TRAPPC9: variants seen among roughly 807,000 people sequenced by gnomAD.
The protein encoded by TRAPPC9 is IKK2 binding protein.
TRAPPC9 carries 83 observed loss-of-function variants against 124.0 expected under a neutral mutation model. The observed-to-expected ratio is 0.67, with a 90% CI of 0.56 to 0.80. The LOEUF (loss-of-function observed/expected upper bound fraction) is 0.80, where lower values mean the gene tolerates loss of function less well. Ranked by LOEUF, TRAPPC9 falls within the 30% of genes least tolerant of loss-of-function variation. The pLI is 0.00. For missense variants in TRAPPC9, 1,302 were observed against 1,508.3 expected, an observed-to-expected ratio of 0.86 and a Z score of 2.27; for synonymous variants, 638 against 617.5, an observed-to-expected ratio of 1.03 and a Z score of -0.49.
intron 19 of TRAPPC9, among the ~76,000 whole-genome samples, chr8:139,954,471 A>C (rs959839120): frequency 1.3e-5 from 2 of 152,164 alleles, no homozygotes; most frequent in African/African-American, 4.8e-5. Context: ...ATAAGAAGAG[A>C]TGCCAGACAG....
At chr8:140,080,838 C>T (rs1843772845) in intron 17 of TRAPPC9, among the ~76,000 whole-genome samples, 1 of 152,196 alleles carries the variant, frequency 6.6e-6, no homozygotes, top group African/African-American at 2.4e-5. Context: ...AATGAACCTG[C>T]AAACACGCTC....
intron 19 of TRAPPC9, among the ~76,000 whole-genome samples, chr8:139,937,958 G>A (rs1213217956): frequency 6.6e-6 from 1 of 152,120 alleles, no homozygotes; most frequent in Non-Finnish European, 1.5e-5. Flanking sequence ...CAGTGGCCCT[G>A]AGTCTTCGGG....
intron 17 of TRAPPC9, among the ~76,000 whole-genome samples, chr8:140,171,057 C>A (rs2061955960): frequency 6.6e-6 from 1 of 152,234 alleles, no homozygotes; most frequent in Non-Finnish European, 1.5e-5. Context: ...TTGCGAGAAA[C>A]AGGTTAGAGA....
chr8:140,321,035 C>A (rs2066578131), intron 9 of TRAPPC9, among the ~76,000 whole-genome samples: 1 of 152,244 alleles, frequency 6.6e-6, no homozygotes. Context: ...GAGGAGGGGG[C>A]ACTGGAGAGT....
At chr8:140,384,329 A>G (rs1344514497) in intron 7 of TRAPPC9, among the ~76,000 whole-genome samples, 1 of 152,200 alleles carries the variant, frequency 6.6e-6, no homozygotes, top group African/African-American at 2.4e-5. Flanking sequence ...TTAAATGTAA[A>G]TGGGCTAAAT....
chr8:140,231,183 G>A (rs6984622), intron 16 of TRAPPC9, among the ~76,000 whole-genome samples: 98,507 of 152,074 alleles, frequency 0.65, 32,508 homozygotes, highest in Admixed American at 0.72. Flanking sequence ...GAAATGCCTC[G>A]CAGCCTCAGG....
chr8:140,068,597 T>C (rs774895052), intron 17 of TRAPPC9, among the ~76,000 whole-genome samples: 1 of 152,256 alleles, frequency 6.6e-6, no homozygotes, highest in Non-Finnish European at 1.5e-5. Context: ...ACGCTTGTCA[T>C]GAAATCAGGC....
intron 21 of TRAPPC9, among the ~76,000 whole-genome samples, chr8:139,770,763 G>C (rs1390699396): frequency 6.6e-6 from 1 of 152,200 alleles, no homozygotes; most frequent in Non-Finnish European, 1.5e-5. Flanking sequence ...CCCTTAGCGT[G>C]GTGGGGAAAA....
chr8:140,234,475 G>A (rs2063683110), intron 16 of TRAPPC9, among the ~76,000 whole-genome samples: 1 of 152,224 alleles, frequency 6.6e-6, no homozygotes, highest in Non-Finnish European at 1.5e-5. Context: ...AGAGGGCAGA[G>A]ACTGTGTCTT....
At chr8:140,116,777 G>C (rs866109747) in intron 17 of TRAPPC9, among the ~76,000 whole-genome samples, 4 of 152,158 alleles carry the variant, frequency 2.6e-5, no homozygotes, top group Admixed American at 6.5e-5. Flanking sequence ...CAAAGGTACC[G>C]TAGAGGTTCC....
intron 17 of TRAPPC9, among the ~76,000 whole-genome samples, chr8:140,217,901 C>G (rs1023414205): frequency 3.3e-5 from 5 of 152,040 alleles, no homozygotes; most frequent in African/African-American, 1.2e-4. Flanking sequence ...CCTGTAATCC[C>G]AGCTACTGCA....
At chr8:140,338,609 C>A (rs2067107432) in intron 9 of TRAPPC9, among the ~76,000 whole-genome samples, 1 of 152,228 alleles carries the variant, frequency 6.6e-6, no homozygotes, top group African/African-American at 2.4e-5. Flanking sequence ...CTGGGGTGAA[C>A]CCTAAGCTAA....
intron 17 of TRAPPC9, among the ~76,000 whole-genome samples, chr8:140,037,514 G>A (rs1054937111): frequency 2.0e-5 from 3 of 151,808 alleles, no homozygotes; most frequent in South Asian, 2.1e-4. Flanking sequence ...CAGCATAGCC[G>A]CTCCCAGCCC....
intron 21 of TRAPPC9, among the ~76,000 whole-genome samples, chr8:139,753,330 T>C (rs1819491594): frequency 6.7e-6 from 1 of 149,966 alleles, no homozygotes; most frequent in Non-Finnish European, 1.5e-5. Context: ...CATCCACCCA[T>C]CCACCCATCT....
At chr8:140,262,582 G>GT (rs1287775461) in intron 15 of TRAPPC9, 1 of 151,798 alleles carries the variant, frequency 6.6e-6, no homozygotes, top group Admixed American at 6.6e-5. Context: ...GTCTTTCTAG[G>GT]AGACACACCA....
At chr8:140,272,130 C>CGATGATGATGGTGGTGATGGTGATGGT (rs2064930084) in intron 15 of TRAPPC9, among the ~76,000 whole-genome samples, 1 of 100,382 alleles carries the variant, frequency 1.0e-5, no homozygotes, top group African/African-American at 3.4e-5. Context: ...GTGATGGTGG[C>CGATGATGATGGTGGTGATGGTGATGGT]GATGGTGATG....
At chr8:140,245,826 T>A (rs1417376632) in intron 16 of TRAPPC9, among the ~76,000 whole-genome samples, 1 of 152,222 alleles carries the variant, frequency 6.6e-6, no homozygotes, top group Non-Finnish European at 1.5e-5. Flanking sequence ...AGGTGCTGTG[T>A]TCTCCCAGCA....
In TRAPPC9 at chr8:140,051,419, C is replaced by T. The variant is rs147605509; in HGVS notation, c.2557-27340G>A. Among the ~76,000 whole-genome samples, 474 of 152,282 alleles carry T rather than the reference C, an allele frequency of 3.1e-3. 1 individual carries two copies. Among genetic ancestry groups the T allele is most frequent in the African/African-American group, 0.01 (430 of 41,540 alleles). ...CAACCCTGGATTCAGAAGCCTTAAT[C>T]GCCACAGGTTTCTCAATTGCTTGCA... On this transcript the variant is annotated intron_variant, in intron 17 of 22. Coordinates refer to ENST00000438773, the MANE Select transcript of TRAPPC9 (RefSeq NM_001160372.4).
At chr8:140,350,413 TCTC>T (rs2077743724) in intron 9 of TRAPPC9, among the ~76,000 whole-genome samples, 1 of 152,044 alleles carries the variant, frequency 6.6e-6, no homozygotes, top group South Asian at 2.1e-4. Flanking sequence ...CATTTAGACT[TCTC>T]CTAAACAGCC....
Sources: allele counts gnomAD v4.1 joint callset (sites outside exome capture counted in the v4.1 genomes callset), GRCh38; gene constraint gnomAD v4.1.1; transcripts MANE v1.5; gene names NCBI Gene and HGNC (gene_info 2026-07-23, HGNC 2026-07-21).